The following CMTM4 variants were observed in gnomAD, a reference collection of about 807,000 sequenced individuals.
The protein encoded by CMTM4 is CKLF-like MARVEL transmembrane domain-containing protein 4.
A neutral mutation model predicts 19.0 loss-of-function variants in CMTM4; 8 were observed. The ratio of observed to expected loss-of-function variants is 0.42; its 90% CI spans 0.25 to 0.76. The LOEUF (loss-of-function observed/expected upper bound fraction) is 0.76. Ranked by LOEUF, CMTM4 falls within the 30% of genes least tolerant of loss-of-function variation. The pLI, the probability that CMTM4 is intolerant of heterozygous loss-of-function variation, is 0.27. For missense variants in CMTM4, 228 were observed against 290.2 expected (o/e 0.79, Z 1.56); for synonymous variants, 106 against 121.1 (o/e 0.88, Z 0.82).
chr16:66,657,056 A>G (rs558014379), intron 1 of CMTM4, among the ~76,000 whole-genome samples: 2 of 151,904 alleles, frequency 1.3e-5, no homozygotes, highest in South Asian at 4.2e-4. Flanking sequence ...CAGATTAGCT[A>G]AGAGTACTGA....
intron 2 of CMTM4, among the ~76,000 whole-genome samples, chr16:66,633,470 G>A (rs1194145696): frequency 6.6e-6 from 1 of 152,014 alleles, no homozygotes; most frequent in East Asian, 1.9e-4. Context: ...TCGGCCGTGA[G>A]GAGCTCACTT....
At chr16:66,612,133 G>A (rs987831819), downstream of CMTM4, among the ~76,000 whole-genome samples, 4 of 152,114 alleles carry the variant, frequency 2.6e-5, no homozygotes, top group East Asian at 3.9e-4. The surrounding 1 kb of genome is among the most constrained non-coding windows in gnomAD (Gnocchi z 6.0). Context: ...TGGCTTCTGC[G>A]GCCGGGCACG....
chr16:66,694,116 A>G (rs1487748050), intron 1 of CMTM4, among the ~76,000 whole-genome samples: 3 of 152,134 alleles, frequency 2.0e-5, no homozygotes, highest in African/African-American at 7.2e-5. Flanking sequence ...AAAAAAAGAA[A>G]AGAACAACGC....
chr16:66,668,544 T>C (rs534469790), intron 1 of CMTM4, among the ~76,000 whole-genome samples: 20 of 152,168 alleles, frequency 1.3e-4, no homozygotes, highest in Non-Finnish European at 2.4e-4. Flanking sequence ...ATTTTTGGCA[T>C]TTGGAATGTA....
intron 1 of CMTM4, among the ~76,000 whole-genome samples, chr16:66,676,113 G>A (rs1293905399): frequency 1.3e-5 from 2 of 152,134 alleles, no homozygotes; most frequent in Non-Finnish European, 2.9e-5. Context: ...ATCATAGACA[G>A]TAAGGCAAAG....
At chr16:66,646,921 G>T (rs2016212889) in intron 1 of CMTM4, among the ~76,000 whole-genome samples, 1 of 151,734 alleles carries the variant, frequency 6.6e-6, no homozygotes, top group African/African-American at 2.4e-5. Flanking sequence ...TGGCCAGGAT[G>T]GTCTCGAACT....
intron 1 of CMTM4, among the ~76,000 whole-genome samples, chr16:66,669,175 T>C (rs565804582): frequency 6.6e-6 from 1 of 152,280 alleles, no homozygotes; most frequent in Non-Finnish European, 1.5e-5. Flanking sequence ...ATTCATAAAA[T>C]ACAACATGAA....
chr16:66,681,602 C>T (rs1451586539), intron 1 of CMTM4, among the ~76,000 whole-genome samples: 1 of 152,182 alleles, frequency 6.6e-6, no homozygotes, highest in Non-Finnish European at 1.5e-5. Context: ...CCGCGCCCAG[C>T]CTTCCCTATT....
At chr16:66,657,327 G>A (rs2016417080) in intron 1 of CMTM4, among the ~76,000 whole-genome samples, 2 of 152,074 alleles carry the variant, frequency 1.3e-5, no homozygotes, top group South Asian at 4.1e-4. Flanking sequence ...CGGACCTCAG[G>A]TGATCTGCCT....
At chr16:66,644,976 G>C (rs1460415015) in intron 1 of CMTM4, among the ~76,000 whole-genome samples, 1 of 152,152 alleles carries the variant, frequency 6.6e-6, no homozygotes, top group African/African-American at 2.4e-5. Flanking sequence ...CATGCAGACA[G>C]TGATCTCCCA....
chr16:66,692,949 C>T (rs1012450879), intron 1 of CMTM4, among the ~76,000 whole-genome samples: 1 of 151,836 alleles, frequency 6.6e-6, no homozygotes. Context: ...TATGGCCAGT[C>T]GCAGTAGCTC....
intron 2 of CMTM4, among the ~76,000 whole-genome samples, chr16:66,630,292 C>G (rs1253933191): frequency 7.9e-6 from 1 of 126,234 alleles, no homozygotes; most frequent in African/African-American, 3.0e-5. Context: ...TTCCCTCTCC[C>G]TCTCCCCCTC....
At chr16:66,598,533 T>C in the CMTM4 span, among the ~76,000 whole-genome samples, 1 of 152,134 alleles carries the variant, frequency 6.6e-6, no homozygotes, top group Non-Finnish European at 1.5e-5. Context: ...ACCACCCCAA[T>C]CAAAATAAAG....
rs149199947 is a variant in CMTM4 at position 66,634,977 on chromosome 16, C to A, written c.363+1428G>T. Among the ~76,000 whole-genome samples, 290 of 152,272 alleles carry A rather than the reference C, an allele frequency of 1.9e-3. 1 individual carries two copies. The highest frequency in any genetic ancestry group is 6.6e-3 in the African/African-American group (273 of 41,562). ...AAACAGGTCCTCCCGCAGGGTTTCA[C>A]AGCCCAGCCCCTTACTCAACAAGTA... On this transcript the variant is annotated intron_variant, in intron 2 of 3. Transcript: ENST00000394106.
At chr16:66,602,502 A>G in the CMTM4 span, among the ~76,000 whole-genome samples, 1 of 152,338 alleles carries the variant, frequency 6.6e-6, no homozygotes, top group South Asian at 2.1e-4. Context: ...AAAAGCCACA[A>G]GCTATCCCAA....
the CMTM4 span, chr16:66,604,164 C>T: frequency 6.6e-6 from 1 of 152,586 alleles, no homozygotes; most frequent in Non-Finnish European, 1.5e-5. Flanking sequence ...TGTGTGTGTG[C>T]CTGGAGCTGC....
At chr16:66,604,596 C>T in the CMTM4 span, 2 of 337,750 alleles carry the variant, frequency 5.9e-6, no homozygotes, top group East Asian at 9.6e-5. Flanking sequence ...GGGGGCGGGT[C>T]GGGCCCAGCA....
chr16:66,694,380 C>A (rs1376356555), intron 1 of CMTM4, among the ~76,000 whole-genome samples: 2 of 152,100 alleles, frequency 1.3e-5, no homozygotes, highest in African/African-American at 4.8e-5. Context: ...GCTGCTGGCA[C>A]CCCATACTCA....
At chr16:66,605,901 C>G in the CMTM4 span, among the ~76,000 whole-genome samples, 1 of 152,068 alleles carries the variant, frequency 6.6e-6, no homozygotes, top group Admixed American at 6.5e-5. This position sits in a 1 kb window ranked among gnomAD's most constrained non-coding sequence, Gnocchi z 4.6. Flanking sequence ...GGCCACCTGC[C>G]CAACGCCCAA....
Sources: allele counts gnomAD v4.1 joint callset (sites outside exome capture counted in the v4.1 genomes callset), GRCh38; gene constraint gnomAD v4.1.1; non-coding constraint Gnocchi (gnomAD v3.1); transcripts MANE v1.5; gene names NCBI Gene and HGNC (gene_info 2026-07-23, HGNC 2026-07-21).